CPT1A: variants seen among roughly 807,000 people sequenced by gnomAD.
CPT1A encodes carnitine O-palmitoyltransferase 1, liver isoform.
A neutral mutation model predicts 100.8 loss-of-function variants in CPT1A; 64 were observed. The ratio of observed to expected loss-of-function variants is 0.63; its 90% CI spans 0.52 to 0.78. The LOEUF is 0.78. Ranked by LOEUF, CPT1A falls within the 30% of genes least tolerant of loss-of-function variation. CPT1A has a pLI of 0.00. For missense variants in CPT1A, 802 were observed against 1,034.1 expected, an observed-to-expected ratio of 0.78 and a Z score of 3.08; for synonymous variants, 363 against 396.0, an observed-to-expected ratio of 0.92 and a Z score of 0.99.
At chr11:68,773,661 A>G (rs1434946515) in intron 13 of CPT1A, 1 of 575,026 alleles carries the variant, frequency 1.7e-6, no homozygotes, top group Non-Finnish European at 3.0e-6. Flanking sequence ...GCAGGCCAGG[A>G]GAGGGCTTCC....
chr11:68,811,600 G>T (rs1009183073), intron 3 of CPT1A, among the ~76,000 whole-genome samples: 2 of 152,142 alleles, frequency 1.3e-5, no homozygotes, highest in Non-Finnish European at 2.9e-5. Flanking sequence ...TCAGAGCTGC[G>T]CAGAGCTGGG....
intron 5 of CPT1A, among the ~76,000 whole-genome samples, chr11:68,799,870 T>C (rs1855857659): frequency 6.6e-6 from 1 of 152,188 alleles, no homozygotes; most frequent in African/African-American, 2.4e-5. Context: ...AATTTAACAA[T>C]TAAACTTTTT....
At chr11:68,817,059 G>GGGGGGTGTGTGTGAGTGCGTGTGT (rs1856436476) in intron 1 of CPT1A, among the ~76,000 whole-genome samples, 1 of 120,302 alleles carries the variant, frequency 8.3e-6, no homozygotes, top group African/African-American at 3.2e-5. Context: ...TTGTGTGGGG[G>GGGGGGTGTGTGTGAGTGCGTGTGT]GTGGGTGTGT....
chr11:68,804,293 A>G (rs899259147), intron 4 of CPT1A, among the ~76,000 whole-genome samples, 192 bp from the exon 5 acceptor site: 2 of 152,170 alleles, frequency 1.3e-5, no homozygotes, highest in Admixed American at 1.3e-4. Flanking sequence ...CCAACCACTT[A>G]CTGATTTTCT....
chr11:68,809,950 G>A (rs985087861), intron 3 of CPT1A, among the ~76,000 whole-genome samples: 15 of 152,192 alleles, frequency 9.9e-5, no homozygotes, highest in African/African-American at 3.1e-4. Context: ...GGACAAGGCG[G>A]GTGGATCACT....
intron 14 of CPT1A, among the ~76,000 whole-genome samples, chr11:68,763,094 C>A (rs1044447925): frequency 6.6e-6 from 1 of 152,198 alleles, no homozygotes; most frequent in Non-Finnish European, 1.5e-5. Flanking sequence ...AGCGATCCAC[C>A]CGCCTTGGCT....
In CPT1A at chr11:68,841,296, C is replaced by T. The variant is rs1033554964; in HGVS notation, c.-14+479G>A. Among the ~76,000 whole-genome samples, 6 of 152,004 alleles carry T rather than the reference C, an allele frequency of 3.9e-5. No homozygotes were observed. Among genetic ancestry groups the T allele is most frequent in the African/African-American group, 1.2e-4 (5 of 41,390 alleles). ...CAGGAGCCGGAGGCCCTACTGGCCCCGGGCGAAGGCATCCTGGAAAGCATC... is the reference window on the plus strand; with the variant it reads ...CAGGAGCCGGAGGCCCTACTGGCCCTGGGCGAAGGCATCCTGGAAAGCATC... On this transcript the variant is annotated intron_variant, in intron 1 of 18. Coordinates refer to ENST00000265641, the MANE Select transcript of CPT1A (RefSeq NM_001876.4). This position sits in a 1 kb window ranked among gnomAD's most constrained non-coding sequence, Gnocchi z 6.3.
At chr11:68,774,781 C>CAAAAAA (rs1169875761) in intron 13 of CPT1A, among the ~76,000 whole-genome samples, 11 of 54,056 alleles carry the variant, frequency 2.0e-4, no homozygotes, top group Admixed American at 4.5e-4. Context: ...GACTACATCT[C>CAAAAAA]AAAAAAAAAA....
At chr11:68,773,831 C>G in intron 13 of CPT1A, 1 of 310,858 alleles carries the variant, frequency 3.2e-6, no homozygotes, top group Non-Finnish European at 6.3e-6. Context: ...GATAAGATCT[C>G]AAGCGTTGGG....
At chr11:68,757,912 A>T (rs1293400703) in intron 18 of CPT1A, among the ~76,000 whole-genome samples, 182 bp from the exon 19 acceptor site, 1 of 152,176 alleles carries the variant, frequency 6.6e-6, no homozygotes, top group Non-Finnish European at 1.5e-5. Flanking sequence ...GGGTAAAGAG[A>T]TGACAGCTGA....
chr11:68,767,139 C>T (rs181663130), intron 14 of CPT1A, among the ~76,000 whole-genome samples: 22 of 152,294 alleles, frequency 1.4e-4, no homozygotes, highest in Non-Finnish European at 2.4e-4. Flanking sequence ...TTTTCAACTA[C>T]TAAATATGTG....
intron 1 of CPT1A, among the ~76,000 whole-genome samples, chr11:68,820,435 C>A (rs568296013): frequency 6.6e-6 from 1 of 152,106 alleles, no homozygotes; most frequent in South Asian, 2.1e-4. Flanking sequence ...GTAATCCCAG[C>A]ACTTTGGGAG....
chr11:68,836,926 T>C (rs1031397916), intron 1 of CPT1A, among the ~76,000 whole-genome samples: 6 of 152,266 alleles, frequency 3.9e-5, no homozygotes, highest in African/African-American at 1.4e-4. Flanking sequence ...TATTAAATCT[T>C]TTTCAGGGCA....
intron 12 of CPT1A, among the ~76,000 whole-genome samples, chr11:68,776,123 G>A (rs553206138): frequency 6.6e-6 from 1 of 152,232 alleles, no homozygotes; most frequent in Non-Finnish European, 1.5e-5. Context: ...AAGCAGGCAG[G>A]CGCGGTGCCT....
rs984773474 is a variant in CPT1A, at chr11:68,784,884, C to T, written c.1094G>A (p.Arg365Lys). The T allele has an allele frequency of 3.7e-6, 6 of 1,613,938 alleles. No individual in the cohort carries two copies. Among genetic ancestry groups the T allele is most frequent in the Non-Finnish European group, 4.2e-6 (5 of 1,180,048 alleles). Residue 365 changes from arginine (R) to lysine (K), a missense_variant, in exon 10 of 19, where the codon AGG becomes AAG. By Grantham distance (26) the Arg-to-Lys change is conservative (BLOSUM62 2). Coordinates refer to ENST00000265641, the MANE Select transcript of CPT1A (RefSeq NM_001876.4). The stretch of plus-strand genomic sequence containing the variant: ...AGGCTCCGAGGTATTGTCCAGGATC[C>T]TCTGCATCTGCTGCTCCATCTCCCG... ...KPREMEQQMQ[R>K]ILDNTSEPQP...
rs1316623844 is a variant in CPT1A at position 68,755,813 on chromosome 11, T to C, written c.*1831A>G. The C allele has an allele frequency of 6.8e-6, 1 of 146,798 alleles. No homozygotes were observed. Among genetic ancestry groups the C allele is most frequent in the African/African-American group, 2.5e-5 (1 of 39,978 alleles). The allele number at this position is 146,798 out of a possible 1,614,324, so 9.1% of individuals were successfully genotyped here. A position where few individuals can be genotyped will look rare whatever the true frequency, so the allele number is the denominator to read the frequency against. On this transcript the variant is annotated 3_prime_UTR_variant, in exon 19 of 19. Transcript: ENST00000265641. ...GGATTTTTACATCATGAAGTATACA[T>C]ACATAAAACATGCATGTGGGCCGCG...
At chr11:68,778,977 G>A (rs1281268791) in intron 12 of CPT1A, among the ~76,000 whole-genome samples, 6 of 151,828 alleles carry the variant, frequency 4.0e-5, no homozygotes, top group African/African-American at 1.5e-4. Flanking sequence ...GTAGAGACGG[G>A]GTTTCACCGT....
At chr11:68,759,813 A>G (rs1946768267) in intron 17 of CPT1A, 152 bp from the exon 18 acceptor site, 4 of 703,256 alleles carry the variant, frequency 5.7e-6, no homozygotes, top group Admixed American at 4.1e-5. Flanking sequence ...GGGTCACTTG[A>G]GCCCAGGGGT....
chr11:68,826,732 T>TC (rs1555233940), intron 1 of CPT1A, among the ~76,000 whole-genome samples: 1 of 53,388 alleles, frequency 1.9e-5, no homozygotes, highest in Non-Finnish European at 7.2e-5. Flanking sequence ...AGACTCCCTG[T>TC]CAAAAAAAAA....
Sources: gnomAD v4.1 joint callset for allele counts (sites outside exome capture counted in the v4.1 genomes callset) on GRCh38, gnomAD v4.1.1 for gene constraint, Gnocchi (gnomAD v3.1) non-coding constraint, MANE v1.5 for transcripts, NCBI Gene and HGNC (gene_info 2026-07-23, HGNC 2026-07-21) for gene names.